CD226: variants seen among roughly 807,000 people sequenced by gnomAD.
The protein encoded by CD226 is CD226 molecule, also known as CD226 antigen.
A neutral mutation model predicts 34.9 loss-of-function variants in CD226; 24 were observed. The ratio of observed to expected loss-of-function variants is 0.69; its 90% CI spans 0.50 to 0.97. The LOEUF (loss-of-function observed/expected upper bound fraction) is 0.97, where lower values mean the gene tolerates loss of function less well. Among genes scored for constraint, CD226 ranks in the 50% least tolerant of loss-of-function variants. The probability of loss-of-function intolerance (pLI) is 0.00; values close to 1 mark genes in which losing one functional copy is unlikely to be tolerated. For synonymous variants in CD226, 148 were observed against 147.4 expected (o/e 1.00, Z -0.03); for missense variants, 397 against 412.7 (o/e 0.96, Z 0.33).
At chr18:69,917,639 C>T (rs534375625) in intron 2 of CD226, among the ~76,000 whole-genome samples, 2 of 152,302 alleles carry the variant, frequency 1.3e-5, no homozygotes, top group Admixed American at 6.5e-5. Flanking sequence ...AGTGAGTTAG[C>T]GCTGTCAGTT....
chr18:69,872,036 CT>C (rs1220307455), intron 4 of CD226, among the ~76,000 whole-genome samples: 1 of 144,894 alleles, frequency 6.9e-6, no homozygotes. Context: ...TGGAGAGACA[CT>C]GGAAATCCTA....
Position 69,854,844 on chromosome 18 carries a change from C to G in CD226, c.*9470G>C, listed in dbSNP as rs1172189340. 6.6e-6 allele frequency: 1 copy of G among 152,206 alleles called. No homozygotes were observed. The highest frequency in any genetic ancestry group is 1.5e-5 in the Non-Finnish European group (1 of 68,094). The allele number at this position is 152,206 out of a possible 1,614,324, so 9.4% of individuals were successfully genotyped here. On this transcript the variant is annotated 3_prime_UTR_variant, in exon 6 of 6. Transcript: ENST00000582621. The stretch of plus-strand genomic sequence containing the variant: ...AGCTTAGTACTACACCAACAGGGCT[C>G]CAGTATAGTAACAGTGAATTGCAGA...
chr18:69,934,947 G>A (rs898232703), intron 2 of CD226, among the ~76,000 whole-genome samples: 1 of 152,018 alleles, frequency 6.6e-6, no homozygotes, highest in African/African-American at 2.4e-5. Context: ...TTTTCTCCAC[G>A]GAAAGAAAAA....
chr18:69,873,401 TTTTC>T (rs996304072), intron 3 of CD226, among the ~76,000 whole-genome samples, 155 bp from the exon 4 acceptor site: 26 of 152,098 alleles, frequency 1.7e-4, no homozygotes, highest in Admixed American at 1.5e-3. Flanking sequence ...AAAAGAGAAT[TTTTC>T]TTTTAGAGTC....
chr18:69,950,441 G>A (rs565117470), upstream of CD226, among the ~76,000 whole-genome samples: 55 of 152,318 alleles, frequency 3.6e-4, no homozygotes, highest in African/African-American at 1.3e-3. Context: ...TGCATGTCAC[G>A]TTATGAAAAG....
At chr18:69,877,736 G>A (rs1245543204) in intron 3 of CD226, among the ~76,000 whole-genome samples, 1 of 152,168 alleles carries the variant, frequency 6.6e-6, no homozygotes, top group African/African-American at 2.4e-5. Context: ...AAAACCTATA[G>A]ATCTGCATAT....
In CD226 at chr18:69,861,161, T is replaced by C. The variant is rs187484484; in HGVS notation, c.*3153A>G. 1 of 150,888 alleles carries C rather than the reference T, an allele frequency of 6.6e-6. No homozygotes were observed. Among genetic ancestry groups the C allele is most frequent in the East Asian group, 1.9e-4 (1 of 5,194 alleles). 9.3% of individuals were successfully genotyped at this position (150,888 alleles called of 1,614,324 possible). On this transcript the variant is annotated 3_prime_UTR_variant, in exon 6 of 6. Transcript: ENST00000582621. ...CCCATGTATTTTAAGTTTATATATA[T>C]AGTATTTTAGTAATACACTGAATTA...
At chr18:69,954,720 A>G (rs2055882168) in intron 1 of CD226, among the ~76,000 whole-genome samples, 1 of 152,142 alleles carries the variant, frequency 6.6e-6, no homozygotes, top group African/African-American at 2.4e-5. Context: ...CAAGAGATGA[A>G]GAGAACTTGT....
rs544794842 is a variant in CD226, at chr18:69,943,166, G to T, written c.382+3568C>A. Among the ~76,000 whole-genome samples the T allele has an allele frequency of 2.6e-5, 4 of 152,320 alleles. No homozygotes were observed. The South Asian group carries it at 8.3e-4, about 32-fold the overall frequency. On this transcript the variant is annotated intron_variant, in intron 2 of 5. Transcript: ENST00000582621. Reference sequence around the variant, plus strand: ...CCATAGTGCTTCATAAGGATTAAATGAAATGACACGCAGTTGCATCCTACA... The same window carrying T: ...CCATAGTGCTTCATAAGGATTAAATTAAATGACACGCAGTTGCATCCTACA...
intron 2 of CD226, among the ~76,000 whole-genome samples, chr18:69,921,044 G>A (rs1031403690): frequency 5.9e-5 from 9 of 152,108 alleles, no homozygotes; most frequent in Admixed American, 2.6e-4. Context: ...TCTTCATGCC[G>A]AGGCAATGAA....
intron 3 of CD226, among the ~76,000 whole-genome samples, chr18:69,881,903 G>A (rs1178303552): frequency 2.0e-5 from 3 of 152,142 alleles, no homozygotes; most frequent in South Asian, 2.1e-4. Context: ...ATTATTCCAA[G>A]TTTTCAAAGG....
chr18:69,946,707 T>TAAA, intron 2 of CD226, 27 bp downstream of exon 2: 1 of 1,466,408 alleles, frequency 6.8e-7, no homozygotes, highest in Non-Finnish European at 9.3e-7. Flanking sequence ...AAAAAGGGAT[T>TAAA]TAAAAAAAAA....
intron 5 of CD226, among the ~76,000 whole-genome samples, chr18:69,865,232 C>T (rs534128124): frequency 2.2e-4 from 33 of 152,196 alleles, no homozygotes; most frequent in African/African-American, 4.6e-4. Flanking sequence ...TCAGACGATC[C>T]GCCCACCTCA....
chr18:69,933,157 A>G (rs1473807188), intron 2 of CD226, among the ~76,000 whole-genome samples: 2 of 151,918 alleles, frequency 1.3e-5, no homozygotes, highest in Non-Finnish European at 2.9e-5. Context: ...TGTGCCTCCT[A>G]TCTTTCTGCC....
At position 69,946,915 on chromosome 18, in the gene CD226, A is replaced by C; in HGVS notation, c.201T>G (p.His67Gln). The C allele has an allele frequency of 6.2e-7, 1 of 1,614,178 alleles. No homozygotes were observed. The highest frequency in any genetic ancestry group is 8.5e-7 in the Non-Finnish European group (1 of 1,180,016). ...QDSIAIFSPT[H>Q]GMVIRKPYAE... ...CATAGGGCTTCCTTATGACCATGCC[A>C]TGAGTAGGGCTGAAAATGGCTATGG... The change falls in exon 2 of 6, where the codon CAT becomes CAG. Residue 67 changes from histidine (H) to glutamine (Q), a missense_variant. By Grantham distance (24) the His-to-Gln change is conservative. Transcript: ENST00000582621.
intron 4 of CD226, among the ~76,000 whole-genome samples, chr18:69,869,152 G>A (rs1983343496): frequency 6.6e-6 from 1 of 152,156 alleles, no homozygotes; most frequent in Admixed American, 6.5e-5. Flanking sequence ...CGCCATTACT[G>A]GGTATATGCC....
At chr18:69,867,500 G>T in intron 4 of CD226, 89 bp from the exon 5 acceptor site, 1 of 814,210 alleles carries the variant, frequency 1.2e-6, no homozygotes, top group South Asian at 1.5e-5. Flanking sequence ...TGTACCCCTA[G>T]CCCACATGCA....
At chr18:69,879,137 G>A (rs1984059810) in intron 3 of CD226, among the ~76,000 whole-genome samples, 1 of 152,186 alleles carries the variant, frequency 6.6e-6, no homozygotes, top group South Asian at 2.1e-4. Context: ...AATGGAGGCA[G>A]AGCGAGATCA....
chr18:69,894,060 G>A (rs1325848963), intron 3 of CD226, among the ~76,000 whole-genome samples: 2 of 151,680 alleles, frequency 1.3e-5, no homozygotes, highest in African/African-American at 4.8e-5. Context: ...ATGTGGAAGG[G>A]AGAAGGGAAG....
Sources: allele counts gnomAD v4.1 joint callset (sites outside exome capture counted in the v4.1 genomes callset), GRCh38; gene constraint gnomAD v4.1.1; transcripts MANE v1.5; gene names NCBI Gene and HGNC (gene_info 2026-07-23, HGNC 2026-07-21).